SPATA17: variants seen among roughly 807,000 people sequenced by gnomAD.
SPATA17 encodes the protein spermatogenesis-associated protein 17.
A neutral mutation model predicts 62.2 loss-of-function variants in SPATA17; 53 were observed. That is an observed-to-expected ratio of 0.85 (90% CI 0.68 to 1.07). The LOEUF (loss-of-function observed/expected upper bound fraction) is 1.07. Among genes scored for constraint, SPATA17 ranks in the 50% least tolerant of loss-of-function variants. The pLI is 0.00. For synonymous variants in SPATA17, 146 were observed against 146.8 expected (o/e 0.99, Z 0.04); for missense variants, 466 against 425.5 (o/e 1.10, Z -0.84).
At chr1:217,750,117 G>A (rs895824251) in intron 6 of SPATA17, among the ~76,000 whole-genome samples, 3 of 150,000 alleles carry the variant, frequency 2.0e-5, no homozygotes, top group Middle Eastern at 3.5e-3. Flanking sequence ...TCACTAATAC[G>A]TTGAATTTGA....
chr1:217,769,795 A>G (rs1401227142), intron 6 of SPATA17, among the ~76,000 whole-genome samples: 2 of 152,180 alleles, frequency 1.3e-5, no homozygotes, highest in African/African-American at 4.8e-5. Flanking sequence ...CTGGGGTACT[A>G]TATCTGAGGG....
At position 217,742,032 on chromosome 1, in the gene SPATA17, C is replaced by T. The variant is rs1051633224; in HGVS notation, c.453C>T (p.Leu151=). 1.2e-5 allele frequency: 19 copies of T among 1,613,940 alleles called. No homozygotes were observed. Among genetic ancestry groups the T allele is most frequent in the Admixed American group, 3.3e-5 (2 of 59,986 alleles). The change falls in exon 6 of 11, where the codon CTC becomes CTT. Residue 151 remains leucine (L), a synonymous_variant. Coordinates refer to ENST00000366933, the MANE Select transcript of SPATA17 (RefSeq NM_138796.4). ...AAAGAGAAGAGAAGAAGGCTAACCT[C>T]GAAAGGGAAGAGAAGAAAAGAGATT... ...MKEREEKKAN[L]EREEKKRDYQ... is the part of the protein sequence containing the mutation.
At chr1:217,715,828 C>T (rs138739614) in intron 5 of SPATA17, among the ~76,000 whole-genome samples, 1 of 152,236 alleles carries the variant, frequency 6.6e-6, no homozygotes, top group East Asian at 1.9e-4. Flanking sequence ...CAGTGATGAT[C>T]ATCAGAATCC....
At chr1:217,791,133 CTTT>C (rs888563609) in intron 8 of SPATA17, among the ~76,000 whole-genome samples, 1 of 152,132 alleles carries the variant, frequency 6.6e-6, no homozygotes, top group Non-Finnish European at 1.5e-5. Flanking sequence ...TCAGCAGAGC[CTTT>C]TTAAGTTAAA....
chr1:217,714,785 G>A (rs6691599), intron 5 of SPATA17, among the ~76,000 whole-genome samples: 28,424 of 150,546 alleles, frequency 0.19, 2,941 homozygotes, highest in African/African-American at 0.28. Flanking sequence ...GCGCCCAGCC[G>A]GAAAACGTGT....
chr1:217,753,596 G>T (rs1672967369), intron 6 of SPATA17, among the ~76,000 whole-genome samples: 1 of 151,374 alleles, frequency 6.6e-6, no homozygotes, highest in African/African-American at 2.4e-5. Flanking sequence ...TAAAAAGAAT[G>T]AATATATTTT....
At chr1:217,845,100 T>C (rs1675494106) in intron 9 of SPATA17, among the ~76,000 whole-genome samples, 1 of 152,106 alleles carries the variant, frequency 6.6e-6, no homozygotes, top group African/African-American at 2.4e-5. Context: ...TTTTATTCTT[T>C]AGTCTTTGAC....
At chr1:217,803,353 TA>T (rs762388643) in intron 9 of SPATA17, among the ~76,000 whole-genome samples, 5 of 152,116 alleles carry the variant, frequency 3.3e-5, no homozygotes, top group Non-Finnish European at 4.4e-5. Context: ...TCTTAAATAT[TA>T]AAAACCCTAA....
intron 9 of SPATA17, among the ~76,000 whole-genome samples, chr1:217,822,661 A>G (rs1185442068): frequency 6.7e-6 from 1 of 148,374 alleles, no homozygotes; most frequent in African/African-American, 2.4e-5. Context: ...ATAAATATAT[A>G]TTTTATATTT....
chr1:217,821,881 G>A (rs1196067146), intron 9 of SPATA17, among the ~76,000 whole-genome samples: 1 of 152,078 alleles, frequency 6.6e-6, no homozygotes, highest in African/African-American at 2.4e-5. Flanking sequence ...TTAGAAATGA[G>A]TTCCTAGAAA....
intron 9 of SPATA17, among the ~76,000 whole-genome samples, chr1:217,831,253 A>G (rs1453696275): frequency 2.6e-5 from 4 of 152,148 alleles, no homozygotes; most frequent in Admixed American, 1.3e-4. Flanking sequence ...TACTTTGCCT[A>G]CCTTCTTCAT....
chr1:217,785,838 C>T (rs1370652618), intron 8 of SPATA17, among the ~76,000 whole-genome samples: 1 of 151,948 alleles, frequency 6.6e-6, no homozygotes, highest in Non-Finnish European at 1.5e-5. Context: ...GCAAATAGGA[C>T]AATAATAATA....
At chr1:217,667,307 A>G (rs1571717769) in intron 3 of SPATA17, among the ~76,000 whole-genome samples, 1 of 152,022 alleles carries the variant, frequency 6.6e-6, no homozygotes, top group South Asian at 2.1e-4. Flanking sequence ...TCGGCCTCCC[A>G]AAGTGCTGGG....
At chr1:217,702,369 A>C (rs188518068) in intron 5 of SPATA17, among the ~76,000 whole-genome samples, 1 of 152,210 alleles carries the variant, frequency 6.6e-6, no homozygotes, top group Admixed American at 6.5e-5. Context: ...TGTTGTTGCT[A>C]CATCAGTTTC....
At chr1:217,706,079 T>G (rs1162104408) in intron 5 of SPATA17, among the ~76,000 whole-genome samples, 1 of 152,224 alleles carries the variant, frequency 6.6e-6, no homozygotes, top group Admixed American at 6.5e-5. Flanking sequence ...TGTCTGTTTT[T>G]GTAGCACTAC....
chr1:217,862,581 T>C lies in SPATA17; in HGVS notation c.1006-193T>C, dbSNP rs180960901. Among the ~76,000 whole-genome samples the C allele has an allele frequency of 2.0e-5, 3 of 152,316 alleles. No individual in the cohort carries two copies. The East Asian group carries it at 5.8e-4, about 29-fold the overall frequency. On this transcript the variant is annotated intron_variant, in intron 9 of 10. Transcript: ENST00000366933. ...CTGTTAAAGACTATGTGCCAGGAAATTCAGTATGCCTGATTTTCAACTGAT... is the reference window on the plus strand; with the variant it reads ...CTGTTAAAGACTATGTGCCAGGAAACTCAGTATGCCTGATTTTCAACTGAT...
intron 5 of SPATA17, among the ~76,000 whole-genome samples, chr1:217,689,668 C>A (rs1671302082): frequency 6.6e-6 from 1 of 152,182 alleles, no homozygotes; most frequent in South Asian, 2.1e-4. Context: ...GTCCTTCAAA[C>A]TGAGATCCAG....
intron 3 of SPATA17, among the ~76,000 whole-genome samples, chr1:217,667,841 C>T (rs776021565): frequency 6.6e-6 from 1 of 152,150 alleles, no homozygotes; most frequent in African/African-American, 2.4e-5. Flanking sequence ...CTTACAATCA[C>T]GAAGAAAGAG....
At chr1:217,634,897 TTTG>T (rs140552696) in intron 1 of SPATA17, among the ~76,000 whole-genome samples, 30,230 of 149,890 alleles carry the variant, frequency 0.2, 3,045 homozygotes, top group African/African-American at 0.26. Flanking sequence ...TATTGGCCTT[TTTG>T]TTGTTGTTGT....
Sources: allele counts gnomAD v4.1 joint callset (sites outside exome capture counted in the v4.1 genomes callset), GRCh38; gene constraint gnomAD v4.1.1; transcripts MANE v1.5; gene names NCBI Gene and HGNC (gene_info 2026-07-23, HGNC 2026-07-21).